The following SAMSN1 variants were observed in gnomAD, a reference collection of about 807,000 sequenced individuals.
The protein encoded by SAMSN1 is SAM domain-containing protein SAMSN-1.
A neutral mutation model predicts 42.0 loss-of-function variants in SAMSN1; 31 were observed. The observed-to-expected ratio is 0.74, with a 90% CI of 0.55 to 1.00. SAMSN1 has a LOEUF of 1.00. Among genes scored for constraint, SAMSN1 ranks in the 50% least tolerant of loss-of-function variants. The probability of loss-of-function intolerance (pLI) is 0.00; values close to 1 mark genes in which losing one functional copy is unlikely to be tolerated. For missense variants in SAMSN1, 464 were observed against 439.4 expected (o/e 1.06, Z -0.50); for synonymous variants, 178 against 151.9 (o/e 1.17, Z -1.26).
chr21:14,519,947 T>G (rs979781947), intron 2 of SAMSN1, among the ~76,000 whole-genome samples: 3 of 152,174 alleles, frequency 2.0e-5, no homozygotes, highest in Non-Finnish European at 4.4e-5. Flanking sequence ...AGAGAAAAGG[T>G]TGATTTCTGC....
intron 2 of SAMSN1, among the ~76,000 whole-genome samples, chr21:14,567,526 T>A (rs1981160882): frequency 6.6e-6 from 1 of 152,146 alleles, no homozygotes; most frequent in Admixed American, 6.6e-5. Context: ...CTAATGGGAT[T>A]TTTAGCCCAG....
chr21:14,546,485 G>C (rs1157400132), upstream of SAMSN1: 1 of 541,600 alleles, frequency 1.8e-6, no homozygotes, highest in African/African-American at 1.9e-5. Context: ...TTTTCTATGA[G>C]GTATGTTCCA....
upstream of SAMSN1, chr21:14,583,458 G>A (rs9980152): frequency 0.046 from 23,814 of 522,098 alleles, 2,083 homozygotes; most frequent in African/African-American, 0.27. Context: ...AAGGAGAAAC[G>A]GGGCGGTGCA....
At position 14,488,850 on chromosome 21, in the gene SAMSN1, G is replaced by T. The variant is rs997295802; in HGVS notation, c.920-2736C>A. Among the ~76,000 whole-genome samples, 3 of 152,272 alleles carry T rather than the reference G, an allele frequency of 2.0e-5. No homozygotes were observed. The East Asian group carries it at 5.8e-4, about 29-fold the overall frequency. ...TGTGCTCCTCAAATGCTTCCTACCA[G>T]GCTTGCAATAATTTCAGGCAGGTGA... On this transcript the variant is annotated intron_variant, in intron 7 of 7. Coordinates refer to ENST00000400566, the MANE Select transcript of SAMSN1 (RefSeq NM_022136.5).
chr21:14,651,691 G>C (rs1206402361), intron 1 of SAMSN1, among the ~76,000 whole-genome samples: 3 of 151,798 alleles, frequency 2.0e-5, no homozygotes, highest in Admixed American at 2.0e-4. Context: ...AATTAGACAA[G>C]GAAAGATATA....
intron 4 of SAMSN1, among the ~76,000 whole-genome samples, chr21:14,609,737 A>G (rs1183493368): frequency 6.6e-6 from 1 of 152,206 alleles, no homozygotes; most frequent in Admixed American, 6.5e-5. Context: ...CCCCGAACGG[A>G]GGGACCGGCT....
chr21:14,515,423 T>G (rs1430765284), intron 3 of SAMSN1, among the ~76,000 whole-genome samples: 1 of 152,020 alleles, frequency 6.6e-6, no homozygotes, highest in Non-Finnish European at 1.5e-5. Context: ...CAACAAATAG[T>G]GTAAGGACAA....
upstream of SAMSN1, among the ~76,000 whole-genome samples, chr21:14,550,206 C>T (rs914982329): frequency 2.6e-5 from 4 of 151,964 alleles, no homozygotes; most frequent in South Asian, 2.1e-4. Context: ...GTGGGGGGAC[C>T]GTTTCTTCCT....
At chr21:14,565,007 G>A (rs998686963) in intron 2 of SAMSN1, among the ~76,000 whole-genome samples, 4 of 152,212 alleles carry the variant, frequency 2.6e-5, no homozygotes, top group Middle Eastern at 3.4e-3. Flanking sequence ...AAAAGAACAT[G>A]TTTTGGGCTG....
chr21:14,547,631 G>A (rs1371080638), upstream of SAMSN1, among the ~76,000 whole-genome samples: 1 of 151,988 alleles, frequency 6.6e-6, no homozygotes, highest in Non-Finnish European at 1.5e-5. Flanking sequence ...GCTTTTCCAC[G>A]TGACAAATCA....
chr21:14,580,890 C>T (rs896256990), intron 2 of SAMSN1, among the ~76,000 whole-genome samples: 1 of 152,112 alleles, frequency 6.6e-6, no homozygotes, highest in African/African-American at 2.4e-5. Context: ...TGAAAACACA[C>T]ATGACCAGAG....
rs781637385 is a variant in SAMSN1, at chr21:14,609,482, C to T, written c.322G>A (p.Asp108Asn). Reference sequence around the variant, plus strand: ...CAGCTGAACTAAATTTAGCAATTACCTTTTAGCTGACAGGGCCTTCTGATG... The same window carrying T: ...CAGCTGAACTAAATTTAGCAATTACTTTTTAGCTGACAGGGCCTTCTGATG... Residue 108 changes from aspartate (D) to asparagine (N), a missense_variant and splice_region_variant, in exon 5 of 16, where the codon GAT (aspartate) becomes AAT (asparagine). Transcript: ENST00000647101. The T allele has an allele frequency of 8.4e-6, 6 of 717,714 alleles. No homozygotes were observed. In the South Asian group the frequency reaches 8.9e-5, roughly 11 times the overall value. 44.5% of individuals were successfully genotyped at this position (717,714 alleles called of 1,614,324 possible).
chr21:14,540,180 A>G (rs1979917130), intron 1 of SAMSN1, among the ~76,000 whole-genome samples: 1 of 152,250 alleles, frequency 6.6e-6, no homozygotes, highest in Non-Finnish European at 1.5e-5. Context: ...ACCTAAAACC[A>G]TAAAAATCCT....
rs114595370 is a variant in SAMSN1 at position 14,565,726 on chromosome 21, C to T, written c.261+16410G>A. Among the ~76,000 whole-genome samples, 485 of 152,272 alleles carry T rather than the reference C, an allele frequency of 3.2e-3. 3 individuals are homozygous for T. The highest frequency in any genetic ancestry group is 0.011 in the African/African-American group (453 of 41,556). ...GGATGTCATCGATTCCAAATTTAAA[C>T]TCAGGATTCCTTCCTTTAAAGTCTA... On this transcript the variant is annotated intron_variant, in intron 2 of 8. Coordinates refer to the SAMSN1 transcript ENST00000285670.
intron 5 of SAMSN1, among the ~76,000 whole-genome samples, chr21:14,606,111 A>G (rs966712555): frequency 8.5e-5 from 13 of 152,132 alleles, no homozygotes; most frequent in Non-Finnish European, 1.8e-4. Context: ...AAGTGCTGGG[A>G]TTACAGGCGT....
At chr21:14,615,863 C>CAAAAAAAAAA (rs34255188) in intron 3 of SAMSN1, 1 of 113,376 alleles carries the variant, frequency 8.8e-6, no homozygotes, top group Non-Finnish European at 1.7e-5. Flanking sequence ...ATGACAGCTG[C>CAAAAAAAAAA]AAAAAAAAAA....
chr21:14,504,059 TACTACATCAAGGGAAC>T (rs1478130355), intron 5 of SAMSN1, among the ~76,000 whole-genome samples: 1 of 151,038 alleles, frequency 6.6e-6, no homozygotes, highest in Non-Finnish European at 1.5e-5. Context: ...AGGGGGAGAG[TACTACATCAAGGGAAC>T]ACCCCATGGG....
intron 2 of SAMSN1, among the ~76,000 whole-genome samples, chr21:14,631,157 G>T (rs1983317363): frequency 6.6e-6 from 1 of 152,050 alleles, no homozygotes; most frequent in Admixed American, 6.6e-5. Flanking sequence ...TCCTTTTTAA[G>T]CTAAGCTTAA....
At chr21:14,608,273 C>A (rs1025808941) in intron 5 of SAMSN1, among the ~76,000 whole-genome samples, 1 of 152,202 alleles carries the variant, frequency 6.6e-6, no homozygotes, top group South Asian at 2.1e-4. Flanking sequence ...TGGTAGCATC[C>A]TCATGGTGCT....
Sources: gnomAD v4.1 joint callset for allele counts (sites outside exome capture counted in the v4.1 genomes callset) on GRCh38, gnomAD v4.1.1 for gene constraint, MANE v1.5 for transcripts, NCBI Gene and HGNC (gene_info 2026-07-23, HGNC 2026-07-21) for gene names.